Variants in C8orf76 observed in about 807,000 individuals in gnomAD.
C8orf76 encodes the protein uncharacterized protein C8orf76.
Under a neutral mutation model 38.1 loss-of-function variants are expected in C8orf76, and 46 were observed. The ratio of observed to expected loss-of-function variants is 1.21; its 90% confidence interval spans 0.95 to 1.54. The LOEUF is 1.54. C8orf76 is among the 40% of genes most tolerant of loss of function. The probability of loss-of-function intolerance (pLI) is 0.00; values close to 1 mark genes in which losing one functional copy is unlikely to be tolerated. For synonymous variants in C8orf76, 166 were observed against 167.5 expected (o/e 0.99, Z 0.07); for missense variants, 461 against 441.6 (o/e 1.04, Z -0.39).
chr8:123,238,065 T>C (rs1825560024), intron 2 of C8orf76, 124 bp from the exon 3 acceptor site: 1 of 1,144,220 alleles, frequency 8.7e-7, no homozygotes, highest in Admixed American at 3.1e-5. Flanking sequence ...ATGAATTACA[T>C]GAATATTTAA....
In C8orf76 at chr8:123,226,649, T is replaced by A. The variant is rs1260529725; in HGVS notation, c.816-17A>T. On this transcript the variant is annotated splice_polypyrimidine_tract_variant and intron_variant, in intron 4 of 5. Transcript: ENST00000276704. ...AGCAGAAGCCTGAAAAACCGAAAAG[T>A]CTCAATGCGTGGCGAAAAGTCCCAA... is the stretch of plus-strand genomic sequence containing the variant. 6.3e-7 allele frequency: 1 copy of A among 1,578,980 alleles called. No individual in the cohort carries two copies. The highest frequency in any genetic ancestry group is 1.4e-5 in the African/African-American group (1 of 72,648).
intron 3 of C8orf76, among the ~76,000 whole-genome samples, chr8:123,235,881 CAG>C (rs2131158257): frequency 6.6e-6 from 1 of 152,242 alleles, no homozygotes; most frequent in Admixed American, 6.5e-5. Flanking sequence ...GCGAGCAGGA[CAG>C]TAGTAAAGGC....
chr8:123,237,153 T>C, intron 3 of C8orf76: 1 of 779,764 alleles, frequency 1.3e-6, no homozygotes, highest in Non-Finnish European at 2.3e-6. Flanking sequence ...CACCACCCCG[T>C]GCTGTCAACT....
At chr8:123,231,967 C>T (rs534967592) in intron 3 of C8orf76, among the ~76,000 whole-genome samples, 62 of 152,166 alleles carry the variant, frequency 4.1e-4, no homozygotes, top group Non-Finnish European at 8.8e-4. Flanking sequence ...AGTCACCAGC[C>T]ATTCCCAAAC....
At chr8:123,225,590 T>TA (rs138836795) in intron 5 of C8orf76, among the ~76,000 whole-genome samples, 6,054 of 152,126 alleles carry the variant, frequency 0.04, 398 homozygotes, top group African/African-American at 0.14. Context: ...AGAGGAACGT[T>TA]AAGAAACACA....
chr8:123,220,934 G>A (rs1237325103), intron 5 of C8orf76, among the ~76,000 whole-genome samples: 1 of 152,212 alleles, frequency 6.6e-6, no homozygotes, highest in African/African-American at 2.4e-5. Context: ...CTTGGGTAAT[G>A]ACAATGAACT....
chr8:123,239,211 T>A lies in C8orf76; in HGVS notation c.118-67A>T, dbSNP rs1333692440. 5 of 1,507,508 alleles carry A rather than the reference T, an allele frequency of 3.3e-6. No individual in the cohort carries two copies. In the African/African-American group the frequency reaches 5.5e-5, roughly 17 times the overall value. 93.4% of individuals were successfully genotyped at this position (1,507,508 alleles called of 1,614,324 possible). A position where few individuals can be genotyped will look rare whatever the true frequency, so the allele number is the denominator to read the frequency against. On this transcript the variant is annotated intron_variant, in intron 1 of 5. Coordinates refer to ENST00000276704, the MANE Select transcript of C8orf76 (RefSeq NM_032847.3). ...TTTTCCACCTCATATTCAGAAGCAA[T>A]TTCCCATAATATAATTGATTAAACG...
chr8:123,229,486 A>G (rs1825162962), intron 4 of C8orf76, among the ~76,000 whole-genome samples: 1 of 152,206 alleles, frequency 6.6e-6, no homozygotes, highest in Non-Finnish European at 1.5e-5. Context: ...TCTTTTGGCC[A>G]CGCCAACAGC....
At position 123,226,624 on chromosome 8, in the gene C8orf76, A is replaced by T; in HGVS notation, c.824T>A (p.Leu275His). 6.3e-7 allele frequency: 1 copy of T among 1,591,410 alleles called. No homozygotes were observed. Among genetic ancestry groups the T allele is most frequent in the South Asian group, 1.2e-5 (1 of 86,820 alleles). The change falls in exon 5 of 6, where the codon CTT (leucine) becomes CAT (histidine). Residue 275 changes from leucine (L) to histidine (H), a missense_variant. Leu to His is a moderately conservative substitution (Grantham distance 99, BLOSUM62 -3). Transcript: ENST00000276704. ...TGTTTGCTGAGGTTGGGTAAACTGA[A>T]GCAGAAGCCTGAAAAACCGAAAAGT... The part of the protein sequence containing the change: ...CASFIRTRLL[L>H]QFTQPQQTSF...
chr8:123,225,715 C>A (rs187014249), intron 5 of C8orf76, among the ~76,000 whole-genome samples: 1 of 152,148 alleles, frequency 6.6e-6, no homozygotes, highest in East Asian at 1.9e-4. Context: ...TTGCTTGAGG[C>A]CAGGAGTTCA....
At chr8:123,220,924 C>G (rs571753140) in intron 5 of C8orf76, among the ~76,000 whole-genome samples, 14 of 152,266 alleles carry the variant, frequency 9.2e-5, no homozygotes, top group Non-Finnish European at 2.1e-4. Context: ...GCAGACTGAC[C>G]TTGGGTAATG....
chr8:123,239,287 A>G, intron 1 of C8orf76, 143 bp from the exon 2 acceptor site: 1 of 805,748 alleles, frequency 1.2e-6, no homozygotes, highest in Non-Finnish European at 1.9e-6. Context: ...TGAACTCCTG[A>G]GCACAAGTGA....
At chr8:123,240,342 C>T (rs1825638954) in intron 1 of C8orf76, among the ~76,000 whole-genome samples, 1 of 152,158 alleles carries the variant, frequency 6.6e-6, no homozygotes, top group Admixed American at 6.5e-5. Flanking sequence ...GAAAATGCAA[C>T]TGAAATAACC....
intron 4 of C8orf76, 42 bp downstream of exon 4, chr8:123,231,258 T>C (rs987601367): frequency 1.8e-5 from 28 of 1,558,188 alleles, no homozygotes; most frequent in Middle Eastern, 1.7e-4. Context: ...GCCTTTACTC[T>C]GAGCTGATTA....
At position 123,229,164 on chromosome 8, in the gene C8orf76, CCTT is replaced by C. The variant is rs557117820; in HGVS notation, c.815+2133_815+2135del. ...GGATCCTCTGCCCCTCTGGGCGGTGCCTTCTTTTTACCTAGCATGCCTCTTCCC... is the reference window on the plus strand; with the variant it reads ...GGATCCTCTGCCCCTCTGGGCGGTGCCTTTTTACCTAGCATGCCTCTTCCC... On this transcript the variant is annotated intron_variant, in intron 4 of 5. Coordinates refer to ENST00000276704, the MANE Select transcript of C8orf76 (RefSeq NM_032847.3). 1.7e-3 allele frequency among the ~76,000 whole-genome samples: 261 copies of C among 152,346 alleles called. 1 individual carries two copies. Among genetic ancestry groups the C allele is most frequent in the African/African-American group, 5.8e-3 (242 of 41,584 alleles).
chr8:123,236,139 T>G (rs942670100), intron 3 of C8orf76, among the ~76,000 whole-genome samples: 2 of 152,214 alleles, frequency 1.3e-5, no homozygotes, highest in Non-Finnish European at 2.9e-5. Flanking sequence ...TGCAAGAGGC[T>G]GAGGTCCTAT....
At chr8:123,237,080 C>T (rs929800217) in intron 3 of C8orf76, 37 of 1,114,418 alleles carry the variant, frequency 3.3e-5, no homozygotes, top group Non-Finnish European at 4.4e-5. Context: ...GCCTTCCCTC[C>T]GCCAGCTCGC....
chr8:123,241,310 C>G lies in C8orf76; in HGVS notation c.37G>C (p.Glu13Gln), dbSNP rs778931986. The change falls in exon 1 of 6, where the codon GAG (glutamate) becomes CAG (glutamine). Residue 13 changes from glutamate (E) to glutamine (Q), a missense_variant. Coordinates refer to ENST00000276704, the MANE Select transcript of C8orf76 (RefSeq NM_032847.3). The part of the protein sequence containing the change: ...SGCWLFGGEF[E>Q]DSVFEERPER... ...GGCCTCTCCTCGAACACCGAGTCCT[C>G]GAACTCGCCGCCGAACAACCAGCAC... is the stretch of plus-strand genomic sequence containing the variant. 9.2e-5 allele frequency: 145 copies of G among 1,573,588 alleles called. No individual in the cohort carries two copies. The highest frequency in any genetic ancestry group is 1.1e-4 in the Non-Finnish European group (125 of 1,165,128).
chr8:123,229,685 T>A (rs1162480544), intron 4 of C8orf76, among the ~76,000 whole-genome samples: 5 of 152,214 alleles, frequency 3.3e-5, no homozygotes, highest in African/African-American at 1.2e-4. Context: ...ATTAGTGACA[T>A]GGTCAATCTA....
Sources: gnomAD v4.1 joint callset for allele counts (sites outside exome capture counted in the v4.1 genomes callset) on GRCh38, gnomAD v4.1.1 for gene constraint, MANE v1.5 for transcripts, NCBI Gene and HGNC (gene_info 2026-07-23, HGNC 2026-07-21) for gene names.